NRXN3: variants seen among roughly 807,000 people sequenced by gnomAD.
NRXN3 encodes neurexin 3.
NRXN3 carries 32 observed loss-of-function variants against 137.6 expected under a neutral mutation model. The observed-to-expected ratio is 0.23, with a 90% CI of 0.18 to 0.31. The LOEUF is 0.31. Ranked by LOEUF, NRXN3 falls within the 10% of genes least tolerant of loss-of-function variation. NRXN3 has a pLI of 1.00. For synonymous variants in NRXN3, 798 were observed against 784.5 expected (o/e 1.02, Z -0.29); for missense variants, 1,574 against 2,062.5 (o/e 0.76, Z 4.59).
chr14:79,812,600 A>G (rs2099238134), intron 20 of NRXN3, among the ~76,000 whole-genome samples: 1 of 152,222 alleles, frequency 6.6e-6, no homozygotes, highest in African/African-American at 2.4e-5. Flanking sequence ...GTTTGGTGAC[A>G]CAGAATTCTC....
chr14:79,727,210 GT>G (rs1214614439), intron 19 of NRXN3, among the ~76,000 whole-genome samples: 1 of 152,154 alleles, frequency 6.6e-6, no homozygotes, highest in African/African-American at 2.4e-5. Context: ...TCTACTAAGA[GT>G]TGAGTGAAAC....
intron 15 of NRXN3, among the ~76,000 whole-genome samples, chr14:79,224,004 G>A (rs1000301509): frequency 2.5e-4 from 38 of 151,890 alleles, no homozygotes; most frequent in Non-Finnish European, 2.4e-4. Context: ...TTTATTCTCA[G>A]GTGGAAAAAA....
At chr14:78,713,975 G>T (rs1179519296) in intron 7 of NRXN3, among the ~76,000 whole-genome samples, 1 of 152,160 alleles carries the variant, frequency 6.6e-6, no homozygotes, top group Non-Finnish European at 1.5e-5. Context: ...CTCTGTTCTG[G>T]AACATCTGCT....
intron 4 of NRXN3, among the ~76,000 whole-genome samples, chr14:78,612,592 T>C (rs1013115724): frequency 6.6e-6 from 1 of 152,226 alleles, no homozygotes; most frequent in African/African-American, 2.4e-5. Context: ...CCACTGATGT[T>C]GAACATACTG....
intron 17 of NRXN3, among the ~76,000 whole-genome samples, chr14:79,674,518 G>A (rs908957827): frequency 1.3e-4 from 19 of 151,974 alleles, no homozygotes; most frequent in African/African-American, 4.1e-4. Flanking sequence ...GTCCACCAAG[G>A]GTCAACTCTG....
intron 15 of NRXN3, among the ~76,000 whole-genome samples, chr14:79,136,845 A>G (rs989191777): frequency 3.9e-5 from 6 of 152,220 alleles, no homozygotes; most frequent in Non-Finnish European, 8.8e-5. Flanking sequence ...AAAACTATAG[A>G]GCCTTGCTTC....
At chr14:79,333,987 G>A (rs1598832802) in intron 15 of NRXN3, among the ~76,000 whole-genome samples, 1 of 152,290 alleles carries the variant, frequency 6.6e-6, no homozygotes, top group East Asian at 1.9e-4. Flanking sequence ...TTCCAGTGTA[G>A]TTCTAGGTCC....
At chr14:79,282,493 GTCTCTC>G (rs535502639) in intron 15 of NRXN3, among the ~76,000 whole-genome samples, 3 of 148,488 alleles carry the variant, frequency 2.0e-5, no homozygotes, top group Non-Finnish European at 3.0e-5. Context: ...GTCAGAGTCA[GTCTCTC>G]TCTCTCTCTC....
Position 79,110,239 on chromosome 14 carries a change from A to G in NRXN3, c.3262+122098A>G, listed in dbSNP as rs1011625031. On this transcript the variant is annotated intron_variant, in intron 15 of 20. Transcript: ENST00000335750. ...GAAAAACTGAAGAGAGTTAAGACAC[A>G]TTGTACGTTCCAAGAGGGTTGGAAG... is the stretch of plus-strand genomic sequence containing the variant. Among the ~76,000 whole-genome samples the G allele has an allele frequency of 1.2e-4, 19 of 152,248 alleles. 1 individual carries two copies. Among genetic ancestry groups the G allele is most frequent in the South Asian group, 6.2e-4 (3 of 4,832 alleles).
intron 4 of NRXN3, among the ~76,000 whole-genome samples, chr14:78,374,795 G>C (rs1397178993): frequency 1.4e-5 from 2 of 139,550 alleles, no homozygotes; most frequent in Non-Finnish European, 3.1e-5. Context: ...AAAAAAAAAA[G>C]CCATGCTGCT....
intron 15 of NRXN3, among the ~76,000 whole-genome samples, chr14:79,133,140 A>G (rs889279563): frequency 1.3e-5 from 2 of 152,222 alleles, no homozygotes; most frequent in African/African-American, 4.8e-5. Context: ...TGTCTACTAT[A>G]CTAACATTTT....
At chr14:79,528,343 G>T (rs964760247) in intron 16 of NRXN3, among the ~76,000 whole-genome samples, 8 of 152,058 alleles carry the variant, frequency 5.3e-5, no homozygotes, top group Admixed American at 5.2e-4. Context: ...TAAACTTTTT[G>T]ATGTTATAAA....
In NRXN3 at chr14:78,847,321, C is replaced by A. The variant is rs958874159; in HGVS notation, c.2275+36977C>A. Among the ~76,000 whole-genome samples, 7 of 152,070 alleles carry A rather than the reference C, an allele frequency of 4.6e-5. No homozygotes were observed. In the East Asian group the frequency reaches 1.4e-3, roughly 29 times the overall value. ...CCACGGCTTGTGACTGAATTATAAA[C>A]CATGAAGCATAATAAAGTCATTAAG... On this transcript the variant is annotated intron_variant, in intron 10 of 20. Transcript: ENST00000335750.
chr14:79,248,434 C>T (rs2075499999), intron 15 of NRXN3, among the ~76,000 whole-genome samples: 2 of 152,144 alleles, frequency 1.3e-5, no homozygotes, highest in South Asian at 4.1e-4. Flanking sequence ...TTTCCGTGGA[C>T]AGACTATACT....
In NRXN3 at chr14:78,714,916, C is replaced by T. The variant is rs199840331; in HGVS notation, c.1821C>T (p.Tyr607=). ...ELWTAMLNYG[Y]VGCIRDLFID... ...GGACTGCCATGCTCAACTATGGCTA[C>T]GTGGGCTGCATCCGCGACCTATTCA... The change falls in exon 8 of 21, where the codon TAC becomes TAT. Residue 607 remains tyrosine, a synonymous_variant. Transcript: ENST00000335750. 4 of 1,613,980 alleles carry T rather than the reference C, an allele frequency of 2.5e-6. No individual in the cohort carries two copies. The highest frequency in any genetic ancestry group is 1.6e-4 in the Middle Eastern group (1 of 6,084).
At chr14:79,803,963 ATATG>A (rs913446843) in intron 19 of NRXN3, among the ~76,000 whole-genome samples, 11 of 146,130 alleles carry the variant, frequency 7.5e-5, no homozygotes, top group African/African-American at 2.5e-4. Context: ...ATATACATAT[ATATG>A]TATGTATGTA....
intron 15 of NRXN3, among the ~76,000 whole-genome samples, chr14:79,276,767 T>C (rs2080348864): frequency 6.6e-6 from 1 of 150,400 alleles, no homozygotes; most frequent in Admixed American, 6.6e-5. Flanking sequence ...TTATCAACTC[T>C]GGAAAAGCTT....
intron 20 of NRXN3, among the ~76,000 whole-genome samples, chr14:79,837,289 CA>C (rs1397948087): frequency 2.8e-5 from 1 of 35,542 alleles, no homozygotes; most frequent in Non-Finnish European, 6.2e-5. Flanking sequence ...TACCTTAAGT[CA>C]TTTTTTTTTA....
At chr14:79,692,032 G>A (rs2098718742) in intron 17 of NRXN3, 141 bp from the exon 18 acceptor site, 1 of 598,900 alleles carries the variant, frequency 1.7e-6, no homozygotes, top group African/African-American at 1.9e-5. Context: ...AGGGCAGAGT[G>A]ACTTCAACTC....
Sources: gnomAD v4.1 joint callset for allele counts (sites outside exome capture counted in the v4.1 genomes callset) on GRCh38, gnomAD v4.1.1 for gene constraint, MANE v1.5 for transcripts, NCBI Gene and HGNC (gene_info 2026-07-23, HGNC 2026-07-21) for gene names.